The following ZNF431 variants were observed in gnomAD, a reference collection of about 807,000 sequenced individuals.
ZNF431 encodes zinc finger protein 431.
In ZNF431, 34 loss-of-function variants were observed where a neutral mutation model predicts 57.0. That is an observed-to-expected ratio of 0.60 (90% CI 0.45 to 0.79). The LOEUF is 0.79. Ranked by LOEUF, ZNF431 falls within the 30% of genes least tolerant of loss-of-function variation. ZNF431 has a pLI of 0.00. For missense variants in ZNF431, 607 were observed against 667.1 expected (o/e 0.91, Z 0.99); for synonymous variants, 207 against 220.3 (o/e 0.94, Z 0.54).
At chr19:21,157,587 A>G (rs1970452081) in intron 2 of ZNF431, among the ~76,000 whole-genome samples, 1 of 150,558 alleles carries the variant, frequency 6.6e-6, no homozygotes, top group South Asian at 2.1e-4. Context: ...GCTGGAGTGT[A>G]GTGGTGGGAC....
intron 2 of ZNF431, among the ~76,000 whole-genome samples, chr19:21,155,620 A>G (rs369626369): frequency 1.7e-4 from 26 of 152,198 alleles, no homozygotes; most frequent in African/African-American, 5.3e-4. Context: ...GGAGTCCCCA[A>G]TTTTTAAACA....
chr19:21,188,539 T>G lies in ZNF431; in HGVS notation c.*4505T>G, dbSNP rs563789708. ...TGTTAAAGGTTACAAAATAATGAAA[T>G]GACTTCAGTGGATTTAAAATTTTGA... is the stretch of plus-strand genomic sequence containing the variant. On this transcript the variant is annotated 3_prime_UTR_variant, in exon 5 of 5. Transcript: ENST00000311048. 6.6e-6 allele frequency: 1 copy of G among 152,314 alleles called. No individual in the cohort carries two copies. The highest frequency in any genetic ancestry group is 1.5e-5 in the Non-Finnish European group (1 of 68,026). The allele number at this position is 152,314 out of a possible 1,614,324, so 9.4% of individuals were successfully genotyped here.
intron 2 of ZNF431, among the ~76,000 whole-genome samples, chr19:21,158,893 TG>T: frequency 6.6e-6 from 1 of 152,328 alleles, no homozygotes; most frequent in South Asian, 2.1e-4. Context: ...ATTCTTGTCT[TG>T]TGCCAGTTTT....
Position 21,167,579 on chromosome 19 carries a change from GTC to G in ZNF431, c.236_237del (p.Ser79Ter). The G allele has an allele frequency of 6.4e-7, 1 of 1,565,016 alleles. No homozygotes were observed. Among genetic ancestry groups the G allele is most frequent in the Non-Finnish European group, 8.6e-7 (1 of 1,157,530 alleles). On this transcript the variant is annotated frameshift_variant, in exon 4 of 5. Coordinates refer to ENST00000311048, the MANE Select transcript of ZNF431 (RefSeq NM_133473.4). LOFTEE classifies it high-confidence loss of function. ...YKNLVFLGVA[V>X]SKQDPVTCLE... The stretch of plus-strand genomic sequence containing the variant: ...TATTTTTAATAAAGCAGGTGTTGCT[GTC>G]TCTAAGCAAGACCCAGTCACCTGTC...
chr19:21,174,557 A>T (rs1168726527), intron 4 of ZNF431, among the ~76,000 whole-genome samples: 1 of 152,238 alleles, frequency 6.6e-6, no homozygotes, highest in East Asian at 1.9e-4. Flanking sequence ...CAAGCATATT[A>T]TATACAATAT....
rs1248364991 is a variant in ZNF431, at chr19:21,167,644, T to C, written c.297T>C (p.His99=). 1.3e-6 allele frequency: 2 copies of C among 1,584,784 alleles called. No individual in the cohort carries two copies. Among genetic ancestry groups the C allele is most frequent in the Admixed American group, 3.5e-5 (2 of 57,864 alleles). The part of the protein sequence containing the change: ...QEKEPWNMKR[H]EMVDEPPAMC... Reference sequence around the variant, plus strand: ...AAGAGCCCTGGAATATGAAGAGACATGAGATGGTGGATGAACCCCCAGGTA... The same window carrying C: ...AAGAGCCCTGGAATATGAAGAGACACGAGATGGTGGATGAACCCCCAGGTA... Residue 99 remains histidine, a synonymous_variant, in exon 4 of 5, where the codon CAT becomes CAC. Coordinates refer to ENST00000311048, the MANE Select transcript of ZNF431 (RefSeq NM_133473.4).
Position 21,189,399 on chromosome 19 carries a change from C to T in ZNF431, c.*5365C>T, listed in dbSNP as rs1362865637. On this transcript the variant is annotated 3_prime_UTR_variant, in exon 5 of 5. Transcript: ENST00000311048. Reference sequence around the variant, plus strand: ...CCTGGAGGCTAAGGCAGGAAAATGGCTCAAATCTGGGAGGTGGTTGTTGCA... The same window carrying T: ...CCTGGAGGCTAAGGCAGGAAAATGGTTCAAATCTGGGAGGTGGTTGTTGCA... 2 of 151,986 alleles carry T rather than the reference C, an allele frequency of 1.3e-5. No individual in the cohort carries two copies. The highest frequency in any genetic ancestry group is 2.9e-5 in the Non-Finnish European group (2 of 68,032). The allele number at this position is 151,986 out of a possible 1,614,324, so 9.4% of individuals were successfully genotyped here.
At position 21,186,864 on chromosome 19, in the gene ZNF431, A is replaced by G. The variant is rs963503205; in HGVS notation, c.*2830A>G. On this transcript the variant is annotated 3_prime_UTR_variant, in exon 5 of 5. Transcript: ENST00000311048. ...TAGAGCACTCCATTTTGTTCTTTTA[A>G]GAGGAGAACAATATATAGGTTTTCT... 6.6e-6 allele frequency: 1 copy of G among 152,156 alleles called. No individual in the cohort carries two copies. The highest frequency in any genetic ancestry group is 1.5e-5 in the Non-Finnish European group (1 of 68,026). The allele number at this position is 152,156 out of a possible 1,614,324, so 9.4% of individuals were successfully genotyped here.
intron 2 of ZNF431, among the ~76,000 whole-genome samples, chr19:21,157,530 C>G (rs1970450352): frequency 1.3e-5 from 2 of 151,626 alleles, no homozygotes; most frequent in African/African-American, 4.8e-5. Flanking sequence ...ATGTTTTTTG[C>G]CTACTTTTTT....
At position 21,168,796 on chromosome 19, in the gene ZNF431, A is replaced by AAG. The variant is rs1335764037; in HGVS notation, c.319+1132_319+1133dup. Reference sequence around the variant, plus strand: ...AATTTATTTTAATGCTATTATTAATAAGACTGTTTTCTTCCTCTATTGTAT... The same window carrying AAG: ...AATTTATTTTAATGCTATTATTAATAAGAGACTGTTTTCTTCCTCTATTGTAT... On this transcript the variant is annotated intron_variant, in intron 4 of 4. Transcript: ENST00000311048. Among the ~76,000 whole-genome samples, 4 of 152,172 alleles carry AAG rather than the reference A, an allele frequency of 2.6e-5. No homozygotes were observed. The East Asian group carries it at 7.7e-4, about 29-fold the overall frequency.
At chr19:21,171,448 A>C (rs1199426589) in intron 4 of ZNF431, among the ~76,000 whole-genome samples, 1 of 151,968 alleles carries the variant, frequency 6.6e-6, no homozygotes, top group Non-Finnish European at 1.5e-5. Context: ...AATTTTAGCC[A>C]ATTTGCAATT....
chr19:21,175,757 G>A (rs1259988158), intron 4 of ZNF431, among the ~76,000 whole-genome samples: 6 of 152,102 alleles, frequency 3.9e-5, no homozygotes, highest in African/African-American at 1.4e-4. Flanking sequence ...ACATAATCTT[G>A]TTCCTTTTTA....
intron 4 of ZNF431, among the ~76,000 whole-genome samples, chr19:21,172,806 C>T (rs919367081): frequency 6.6e-6 from 1 of 152,108 alleles, no homozygotes; most frequent in African/African-American, 2.4e-5. Context: ...TAAAAAGAAG[C>T]TGTACATTTC....
chr19:21,182,793 C>CGTT lies in ZNF431; in HGVS notation c.490_491insGTT (p.Glu163_Leu164insArg), dbSNP rs751750715. ...GGTGCACAAAGAAGGTTATAATGAGCTAAACCAGTGTTTGACAACTACCCA... is the reference window on the plus strand; with the variant it reads ...GGTGCACAAAGAAGGTTATAATGAGCGTTTAAACCAGTGTTTGACAACTACCCA... On this transcript the variant is annotated inframe_insertion, in exon 5 of 5. Transcript: ENST00000311048. 2.5e-6 allele frequency: 4 copies of CGTT among 1,613,946 alleles called. No homozygotes were observed. In the East Asian group the frequency reaches 8.9e-5, roughly 36 times the overall value.
At chr19:21,144,643 G>GT (rs1044337410) in intron 2 of ZNF431, among the ~76,000 whole-genome samples, 29 of 151,996 alleles carry the variant, frequency 1.9e-4, no homozygotes, top group African/African-American at 4.6e-4. Flanking sequence ...CCTCAGGTGT[G>GT]TTTTTTTTAT....
At chr19:21,179,561 C>CTTTT (rs537364359) in intron 4 of ZNF431, among the ~76,000 whole-genome samples, 2 of 137,090 alleles carry the variant, frequency 1.5e-5, no homozygotes, top group African/African-American at 5.3e-5. Flanking sequence ...GTTACATTGT[C>CTTTT]TTTTTTTTTT....
At chr19:21,148,188 G>C (rs12974995) in intron 2 of ZNF431, among the ~76,000 whole-genome samples, 17,543 of 151,848 alleles carry the variant, frequency 0.12, 1,608 homozygotes, top group East Asian at 0.45. Context: ...GTAGAGACTG[G>C]TTTTCATCAT....
At chr19:21,171,529 G>T (rs755375737) in intron 4 of ZNF431, among the ~76,000 whole-genome samples, 18 of 151,702 alleles carry the variant, frequency 1.2e-4, no homozygotes, top group Non-Finnish European at 2.2e-4. Flanking sequence ...ATCACGATCA[G>T]ATTATATGTG....
intron 4 of ZNF431, among the ~76,000 whole-genome samples, chr19:21,174,516 CATACAAGCATATGTCCTATGCTGTTAT>C (rs1970995890): frequency 2.0e-5 from 3 of 152,208 alleles, no homozygotes; most frequent in Middle Eastern, 3.4e-3. Context: ...TATGCTGTTA[CATACAAGCATATGTCCTATGCTGTTAT>C]ATACAAGCAT....
Sources: gnomAD v4.1 joint callset for allele counts (sites outside exome capture counted in the v4.1 genomes callset) on GRCh38, gnomAD v4.1.1 for gene constraint, MANE v1.5 for transcripts, NCBI Gene and HGNC (gene_info 2026-07-23, HGNC 2026-07-21) for gene names.